GRAMD4: variants seen among roughly 807,000 people sequenced by gnomAD.
GRAMD4 encodes the protein GRAM domain containing 4, also known as GRAM domain-containing protein 4.
A neutral mutation model predicts 83.9 loss-of-function variants in GRAMD4; 25 were observed. The observed-to-expected ratio is 0.30, with a 90% CI of 0.22 to 0.42. The LOEUF (loss-of-function observed/expected upper bound fraction) is 0.42. Ranked by LOEUF, GRAMD4 falls within the 10% of genes least tolerant of loss-of-function variation. The probability of loss-of-function intolerance (pLI) is 1.00; values close to 1 mark genes in which losing one functional copy is unlikely to be tolerated. For missense variants in GRAMD4, 593 were observed against 788.7 expected (o/e 0.75, Z 2.97); for synonymous variants, 336 against 320.9 (o/e 1.05, Z -0.50).
intron 3 of GRAMD4, among the ~76,000 whole-genome samples, chr22:46,652,385 A>G (rs1408633520): frequency 6.6e-6 from 1 of 152,164 alleles, no homozygotes; most frequent in Admixed American, 6.5e-5. Flanking sequence ...TGCAGAAGGA[A>G]CAGCCCTGCC....
chr22:46,616,118 G>A (rs527368010), upstream of GRAMD4, among the ~76,000 whole-genome samples: 53 of 140,852 alleles, frequency 3.8e-4, no homozygotes, highest in African/African-American at 1.4e-3. Context: ...AGGTTCCCCT[G>A]TGCGTGCAGG....
intron 1 of GRAMD4, among the ~76,000 whole-genome samples, chr22:46,609,846 T>C (rs568619276): frequency 6.6e-6 from 1 of 152,330 alleles, no homozygotes; most frequent in East Asian, 1.9e-4. Flanking sequence ...TGTTTGTCAC[T>C]GGGCAGTAAG....
intron 3 of GRAMD4, among the ~76,000 whole-genome samples, chr22:46,639,292 G>GCAGCGGTGGTTAAC (rs150613243): frequency 7.3e-5 from 11 of 150,754 alleles, no homozygotes; most frequent in Non-Finnish European, 1.3e-4. Context: ...GTGCCTGTGT[G>GCAGCGGTGGTTAAC]CCTGTGTGCA....
chr22:46,621,426 C>CT lies in GRAMD4; in HGVS notation c.-50+862dup, dbSNP rs1307418945. On this transcript the variant is annotated intron_variant, in intron 1 of 18. Transcript: ENST00000406902. The surrounding 1 kb of genome is among the most constrained non-coding windows in gnomAD (Gnocchi z 5.8). ...AGCACTCTTCAGTGCAGTGCGGGGGCTGCCCATGTGGCCGTGGAGGGCACC... is the reference window on the plus strand; with the variant it reads ...AGCACTCTTCAGTGCAGTGCGGGGGCTTGCCCATGTGGCCGTGGAGGGCACC... Among the ~76,000 whole-genome samples, 3 of 152,212 alleles carry CT rather than the reference C, an allele frequency of 2.0e-5. No homozygotes were observed. In the South Asian group the frequency reaches 6.2e-4, roughly 31 times the overall value.
intron 3 of GRAMD4, among the ~76,000 whole-genome samples, chr22:46,639,157 T>A (rs1022476074): frequency 3.5e-5 from 5 of 144,544 alleles, no homozygotes; most frequent in Non-Finnish European, 6.2e-5. Context: ...TGCGTGAGTG[T>A]GTGTGTGTGT....
Position 46,678,714 on chromosome 22 carries a change from A to G in GRAMD4, c.*1463A>G. 1 of 985,602 alleles carries G rather than the reference A, an allele frequency of 1.0e-6. No individual in the cohort carries two copies. The highest frequency in any genetic ancestry group is 1.2e-6 in the Non-Finnish European group (1 of 829,922). The allele number at this position is 985,602 out of a possible 1,614,324, so 61.1% of individuals were successfully genotyped here. Reference sequence around the variant, plus strand: ...ATTTTTGTATCCTTTTTCAGATGTAATTTTTATCTTTGCTCCGATCCTCAT... The same window carrying G: ...ATTTTTGTATCCTTTTTCAGATGTAGTTTTTATCTTTGCTCCGATCCTCAT... On this transcript the variant is annotated 3_prime_UTR_variant, in exon 19 of 19. Transcript: ENST00000406902.
chr22:46,643,153 A>C (rs1185344576), intron 3 of GRAMD4, among the ~76,000 whole-genome samples: 1 of 148,554 alleles, frequency 6.7e-6, no homozygotes. Flanking sequence ...CCATCCATCC[A>C]TCCATCCATC....
In GRAMD4 at chr22:46,621,814, C is replaced by T. The variant is rs138864009; in HGVS notation, c.-50+1249C>T. Among the ~76,000 whole-genome samples, 637 of 152,350 alleles carry T rather than the reference C, an allele frequency of 4.2e-3. 5 individuals are homozygous for T. The highest frequency in any genetic ancestry group is 0.014 in the African/African-American group (599 of 41,582). ...GGTGGTGAAGGCTGGAAGGTCCATC[C>T]CTGGCAGTGTGTGGTGACATGTGTC... On this transcript the variant is annotated intron_variant, in intron 1 of 18. Coordinates refer to ENST00000406902, the MANE Select transcript of GRAMD4 (RefSeq NM_015124.5). The surrounding 1 kb of genome is among the most constrained non-coding windows in gnomAD (Gnocchi z 5.8).
At position 46,674,609 on chromosome 22, in the gene GRAMD4, CT is replaced by C. The variant is rs765046791; in HGVS notation, c.1385-47del. On this transcript the variant is annotated intron_variant, in intron 15 of 18. Transcript: ENST00000406902. ...CTGGGTCCCAGCGTCAGGTCAGAGG[CT>C]GGGTACTTCCAGTGGAAAGTGTGAC... 3.9e-6 allele frequency: 5 copies of C among 1,279,262 alleles called. No individual in the cohort carries two copies. The East Asian group carries it at 1.2e-4, about 30-fold the overall frequency. The allele number at this position is 1,279,262 out of a possible 1,614,324, so 79.2% of individuals were successfully genotyped here.
Position 46,659,261 on chromosome 22 carries a change from A to C in GRAMD4, c.404+954A>C, listed in dbSNP as rs1601653747. ...CCCTCAGCCTCCCCCCTCAGTCTCC[A>C]CCCTCAGTTTCTGCCCAGCCTCCCC... is the stretch of plus-strand genomic sequence containing the variant. On this transcript the variant is annotated intron_variant, in intron 4 of 18. Coordinates refer to ENST00000406902, the MANE Select transcript of GRAMD4 (RefSeq NM_015124.5). The surrounding 1 kb of genome is among the most constrained non-coding windows in gnomAD (Gnocchi z 4.1). Among the ~76,000 whole-genome samples, 3 of 126,888 alleles carry C rather than the reference A, an allele frequency of 2.4e-5. No homozygotes were observed. The highest frequency in any genetic ancestry group is 7.7e-5 in the Admixed American group (1 of 12,926). The allele number at this position is 126,888 out of a possible 152,430, so 83.2% of individuals were successfully genotyped here. A position where few individuals can be genotyped will look rare whatever the true frequency, so the allele number is the denominator to read the frequency against.
chr22:46,617,031 G>A (rs112167603), upstream of GRAMD4, among the ~76,000 whole-genome samples: 1 of 126,690 alleles, frequency 7.9e-6, no homozygotes, highest in Non-Finnish European at 1.7e-5. Context: ...CCCGTGTGTA[G>A]GTTCCCCTGT....
intron 1 of GRAMD4, among the ~76,000 whole-genome samples, chr22:46,578,230 T>G (rs538808613): frequency 1.3e-5 from 2 of 152,106 alleles, no homozygotes; most frequent in Non-Finnish European, 2.9e-5. Flanking sequence ...CAGAGGTGTC[T>G]CTCCTACATG....
At chr22:46,660,534 C>T (rs566245259) in intron 4 of GRAMD4, among the ~76,000 whole-genome samples, 3 of 152,306 alleles carry the variant, frequency 2.0e-5, no homozygotes, top group Admixed American at 6.5e-5. Context: ...TCTGAAGCTG[C>T]AGGATTAAAG....
rs376834688 is a variant in GRAMD4, at chr22:46,646,817, G to T, written c.283+8857G>T. 6.6e-5 allele frequency among the ~76,000 whole-genome samples: 10 copies of T among 152,334 alleles called. No homozygotes were observed. The East Asian group carries it at 9.6e-4, about 15-fold the overall frequency. Reference sequence around the variant, plus strand: ...GACTGGCGCTTTACAAACAAAAGCGGTTTAATGGACTCACAGTTCCACATG... The same window carrying T: ...GACTGGCGCTTTACAAACAAAAGCGTTTTAATGGACTCACAGTTCCACATG... On this transcript the variant is annotated intron_variant, in intron 3 of 18. Transcript: ENST00000406902.
chr22:46,583,105 G>A (rs755629740), intron 1 of GRAMD4, among the ~76,000 whole-genome samples: 1 of 152,182 alleles, frequency 6.6e-6, no homozygotes, highest in Non-Finnish European at 1.5e-5. Flanking sequence ...TGTATTTTTA[G>A]TAGAGATGGA....
chr22:46,658,321 C>A lies in GRAMD4; in HGVS notation c.404+14C>A. The stretch of plus-strand genomic sequence containing the variant: ...GCTGAAGGCCAGGTACCGCGCCTTC[C>A]TCGGGGCCCTGGCCTGTGTGCGGCT... On this transcript the variant is annotated intron_variant, in intron 4 of 18. Coordinates refer to ENST00000406902, the MANE Select transcript of GRAMD4 (RefSeq NM_015124.5). 1 of 1,593,256 alleles carries A rather than the reference C, an allele frequency of 6.3e-7. No individual in the cohort carries two copies. Among genetic ancestry groups the A allele is most frequent in the East Asian group, 2.3e-5 (1 of 43,922 alleles).
intron 2 of GRAMD4, among the ~76,000 whole-genome samples, chr22:46,637,139 C>G (rs2081902103): frequency 6.6e-6 from 1 of 152,214 alleles, no homozygotes; most frequent in Non-Finnish European, 1.5e-5. Context: ...GGGCCTGGCT[C>G]TGGCACGGCC....
chr22:46,635,678 A>T (rs1474323493), intron 2 of GRAMD4, among the ~76,000 whole-genome samples: 21 of 71,200 alleles, frequency 2.9e-4, no homozygotes, highest in African/African-American at 1.2e-3. Flanking sequence ...ACCCCTGTCC[A>T]GGGGAGCTGT....
intron 1 of GRAMD4, among the ~76,000 whole-genome samples, chr22:46,623,729 C>A (rs1044763458): frequency 6.6e-6 from 1 of 151,412 alleles, no homozygotes; most frequent in African/African-American, 2.4e-5. Context: ...AAGGTTTTCG[C>A]GTATTAGGAA....
Sources: gnomAD v4.1 joint callset for allele counts (sites outside exome capture counted in the v4.1 genomes callset) on GRCh38, gnomAD v4.1.1 for gene constraint, Gnocchi (gnomAD v3.1) non-coding constraint, MANE v1.5 for transcripts, NCBI Gene and HGNC (gene_info 2026-07-23, HGNC 2026-07-21) for gene names.